Variants in PSD2 observed in about 807,000 individuals in gnomAD.
PSD2 encodes the protein PH and SEC7 domain-containing protein 2.
A neutral mutation model predicts 69.8 loss-of-function variants in PSD2; 38 were observed. The ratio of observed to expected loss-of-function variants is 0.54; its 90% CI spans 0.42 to 0.71. The LOEUF (loss-of-function observed/expected upper bound fraction) is 0.71. Among genes scored for constraint, PSD2 ranks in the 30% least tolerant of loss-of-function variants. The probability of loss-of-function intolerance (pLI) is 0.00; values close to 1 mark genes in which losing one functional copy is unlikely to be tolerated. For synonymous variants in PSD2, 412 were observed against 423.0 expected (o/e 0.97, Z 0.32); for missense variants, 943 against 1,014.5 (o/e 0.93, Z 0.96).
chr5:139,766,912 CCTTCCTTCCTTCCTTCCCTTCTTT>C, the PSD2 span, among the ~76,000 whole-genome samples: 119 of 64,826 alleles, frequency 1.8e-3, 4 homozygotes, highest in Middle Eastern at 7.4e-3. Context: ...TCCCTCCCTT[CCTTCCTTCCTTCCTTCCCTTCTTT>C]CTTTCTTTCT....
chr5:139,766,906 TCCCTTCCTTCCTTCCTTCCTTCCC>T, the PSD2 span, among the ~76,000 whole-genome samples: 2 of 63,600 alleles, frequency 3.1e-5, no homozygotes, highest in African/African-American at 5.2e-5. Context: ...CCTCTTTCCC[TCCCTTCCTTCCTTCCTTCCTTCCC>T]TTCTTTCTTT....
At position 139,809,538 on chromosome 5, in the gene PSD2, G is replaced by A; in HGVS notation, c.98G>A (p.Gly33Glu). The change falls in exon 2 of 15, where the codon GGG (glycine) becomes GAG (glutamate). Residue 33 changes from glycine (G) to glutamate (E), a missense_variant. Transcript: ENST00000274710. ...GAAGAGGAGCCAGGGGTCCGGAATGGGATGGCCAGTGAGGGCCTGAACAGC... is the reference window on the plus strand; with the variant it reads ...GAAGAGGAGCCAGGGGTCCGGAATGAGATGGCCAGTGAGGGCCTGAACAGC... ...EPEEEPGVRN[G>E]MASEGLNSSL... 1 of 1,613,590 alleles carries A rather than the reference G, an allele frequency of 6.2e-7. No homozygotes were observed. Among genetic ancestry groups the A allele is most frequent in the Non-Finnish European group, 8.5e-7 (1 of 1,179,720 alleles).
the PSD2 span, among the ~76,000 whole-genome samples, chr5:139,783,584 T>C: frequency 2.0e-5 from 3 of 152,364 alleles, no homozygotes; most frequent in Admixed American, 1.3e-4. Flanking sequence ...TTGGCCGTCA[T>C]GAGTAGTGCT....
the PSD2 span, among the ~76,000 whole-genome samples, chr5:139,766,388 C>T: frequency 6.6e-6 from 1 of 152,212 alleles, no homozygotes; most frequent in African/African-American, 2.4e-5. Flanking sequence ...AGCGCCTAGC[C>T]TTCTTTTCAC....
chr5:139,767,273 G>A, the PSD2 span, among the ~76,000 whole-genome samples: 10 of 151,552 alleles, frequency 6.6e-5, no homozygotes, highest in East Asian at 2.0e-4. Context: ...GATTACAGGC[G>A]TGAGCCACCG....
At chr5:139,810,648 G>A (rs147333864) in intron 2 of PSD2, among the ~76,000 whole-genome samples, 3 of 152,296 alleles carry the variant, frequency 2.0e-5, no homozygotes, top group Admixed American at 6.5e-5. Context: ...GCACATTTGG[G>A]CACATGTTCG....
At chr5:139,838,867 T>C (rs1760804117) in intron 13 of PSD2, 95 bp downstream of exon 13, 1 of 1,352,226 alleles carries the variant, frequency 7.4e-7, no homozygotes, top group African/African-American at 1.4e-5. Context: ...GTCTCTAGGC[T>C]GGGTGATCCT....
At position 139,822,619 on chromosome 5, in the gene PSD2, G is replaced by A. The variant is rs1348273599; in HGVS notation, c.1211-107G>A. The stretch of plus-strand genomic sequence containing the variant: ...GTCCCCTGAGGTGAGTTTGGCAGGC[G>A]GCCGGCCTCCCTCTGTGTCCAAGGT... On this transcript the variant is annotated intron_variant, in intron 6 of 14. Transcript: ENST00000274710. The A allele has an allele frequency of 2.7e-5, 26 of 947,244 alleles. No homozygotes were observed. The East Asian group carries it at 6.1e-4, about 22-fold the overall frequency. 58.7% of individuals were successfully genotyped at this position (947,244 alleles called of 1,614,324 possible).
At chr5:139,800,944 C>T (rs1171196441) in intron 1 of PSD2, among the ~76,000 whole-genome samples, 1 of 152,142 alleles carries the variant, frequency 6.6e-6, no homozygotes, top group Non-Finnish European at 1.5e-5. Context: ...GCGGCTCACA[C>T]CTGAAATCCC....
At chr5:139,764,438 G>A in the PSD2 span, among the ~76,000 whole-genome samples, 1 of 152,126 alleles carries the variant, frequency 6.6e-6, no homozygotes, top group African/African-American at 2.4e-5. Flanking sequence ...TGTGGGTGGG[G>A]GAGCCATATC....
chr5:139,766,841 TTC>T, the PSD2 span, among the ~76,000 whole-genome samples: 1 of 143,806 alleles, frequency 7.0e-6, no homozygotes, highest in Admixed American at 6.9e-5. Flanking sequence ...CTTTCTTTCT[TTC>T]TTTCTTTCTT....
At chr5:139,752,867 C>T in the PSD2 span, among the ~76,000 whole-genome samples, 2 of 152,326 alleles carry the variant, frequency 1.3e-5, no homozygotes, top group African/African-American at 2.4e-5. Flanking sequence ...ATTTATAACA[C>T]GGCAGCGCCC....
At chr5:139,793,646 A>C (rs979570623), upstream of PSD2, among the ~76,000 whole-genome samples, 2 of 152,204 alleles carry the variant, frequency 1.3e-5, no homozygotes, top group Non-Finnish European at 2.9e-5. Flanking sequence ...CACATAATTT[A>C]TTAAGCCATG....
chr5:139,789,764 G>T, the PSD2 span, among the ~76,000 whole-genome samples: 1 of 152,152 alleles, frequency 6.6e-6, no homozygotes, highest in Non-Finnish European at 1.5e-5. Flanking sequence ...AGTGATGGCA[G>T]CGGTGGTGGG....
upstream of PSD2, among the ~76,000 whole-genome samples, chr5:139,793,849 AAG>A (rs1413147564): frequency 6.6e-6 from 1 of 152,152 alleles, no homozygotes. Context: ...TAGCCTCACA[AAG>A]AGGGGGACTG....
At chr5:139,808,940 C>T (rs1248231792) in intron 1 of PSD2, among the ~76,000 whole-genome samples, 2 of 152,332 alleles carry the variant, frequency 1.3e-5, no homozygotes, top group Admixed American at 1.3e-4. Flanking sequence ...GTAAGTTTCG[C>T]TCATCTTTGG....
At chr5:139,786,438 T>C in the PSD2 span, among the ~76,000 whole-genome samples, 1 of 152,124 alleles carries the variant, frequency 6.6e-6, no homozygotes, top group African/African-American at 2.4e-5. Context: ...TTAAAATGAG[T>C]TAGGGTCAAG....
the PSD2 span, among the ~76,000 whole-genome samples, chr5:139,775,755 G>A: frequency 6.6e-6 from 1 of 152,132 alleles, no homozygotes; most frequent in African/African-American, 2.4e-5. Flanking sequence ...TGCAACCTCC[G>A]TCTCCGAGGT....
chr5:139,753,234 G>A, the PSD2 span, among the ~76,000 whole-genome samples: 3 of 152,194 alleles, frequency 2.0e-5, no homozygotes, highest in Non-Finnish European at 2.9e-5. Context: ...ATTTGGACAC[G>A]AGAAGGGACT....
Sources: allele counts gnomAD v4.1 joint callset (sites outside exome capture counted in the v4.1 genomes callset), GRCh38; gene constraint gnomAD v4.1.1; transcripts MANE v1.5; gene names NCBI Gene and HGNC (gene_info 2026-07-23, HGNC 2026-07-21).